The following LHFPL6 variants were observed in gnomAD, a reference collection of about 807,000 sequenced individuals.
LHFPL6 encodes the protein LHFPL tetraspan subfamily member 6.
LHFPL6 carries 9 observed loss-of-function variants against 20.6 expected under a neutral mutation model. The observed-to-expected ratio is 0.44, with a 90% CI of 0.26 to 0.76. The LOEUF (loss-of-function observed/expected upper bound fraction) is 0.76. LHFPL6 is among the 30% of genes least tolerant of loss of function. The pLI, the probability that LHFPL6 is intolerant of heterozygous loss-of-function variation, is 0.20. For synonymous variants in LHFPL6, 105 were observed against 98.7 expected (o/e 1.06, Z -0.38); for missense variants, 218 against 253.5 (o/e 0.86, Z 0.95).
At chr13:39,524,296 T>G (rs1870215728) in intron 2 of LHFPL6, among the ~76,000 whole-genome samples, 1 of 152,058 alleles carries the variant, frequency 6.6e-6, no homozygotes, top group Admixed American at 6.5e-5. Flanking sequence ...TTTGGGGGTT[T>G]TGTTTTTGTT....
At chr13:39,460,065 T>C (rs2138428026) in intron 2 of LHFPL6, among the ~76,000 whole-genome samples, 1 of 102,064 alleles carries the variant, frequency 9.8e-6, no homozygotes, top group South Asian at 3.6e-4. Flanking sequence ...TTACAAAATT[T>C]AATTAATGCC....
intron 2 of LHFPL6, among the ~76,000 whole-genome samples, chr13:39,413,038 T>C (rs942393133): frequency 1.1e-4 from 16 of 152,160 alleles, no homozygotes; most frequent in Admixed American, 1.0e-3. Context: ...TCTGCAGATA[T>C]CACAGTAGAT....
chr13:39,410,117 A>G (rs1871213293), intron 2 of LHFPL6, among the ~76,000 whole-genome samples: 1 of 152,242 alleles, frequency 6.6e-6, no homozygotes, highest in South Asian at 2.1e-4. Context: ...ACCTACCTTC[A>G]TTATACATCA....
At chr13:39,539,314 T>TAAA in intron 2 of LHFPL6, among the ~76,000 whole-genome samples, 2 of 146,310 alleles carry the variant, frequency 1.4e-5, no homozygotes, top group South Asian at 2.2e-4. Flanking sequence ...GATTTTATTT[T>TAAA]AAAAAAAAAA....
At chr13:39,344,709 T>C (rs1869342736) in intron 3 of LHFPL6, among the ~76,000 whole-genome samples, 1 of 152,204 alleles carries the variant, frequency 6.6e-6, no homozygotes. Flanking sequence ...AAACCCAAAA[T>C]ATTAAAAATA....
chr13:39,391,516 CAT>C (rs1238929703), intron 2 of LHFPL6, among the ~76,000 whole-genome samples: 12 of 152,134 alleles, frequency 7.9e-5, no homozygotes, highest in African/African-American at 2.2e-4. Flanking sequence ...AACATACAGA[CAT>C]ATACATACAT....
rs138366737 is a variant in LHFPL6, at chr13:39,522,879, G to A, written c.385+77953C>T. 1.3e-3 allele frequency among the ~76,000 whole-genome samples: 198 copies of A among 152,300 alleles called. 1 individual carries two copies. The highest frequency in any genetic ancestry group is 3.6e-3 in the African/African-American group (149 of 41,560). On this transcript the variant is annotated intron_variant, in intron 2 of 3. Coordinates refer to ENST00000379589, the MANE Select transcript of LHFPL6 (RefSeq NM_005780.3). Reference sequence around the variant, plus strand: ...ATTCGTATGGACAGTGTAGAAATATGAGCAGAATGAGCACATGATTAGATG... The same window carrying A: ...ATTCGTATGGACAGTGTAGAAATATAAGCAGAATGAGCACATGATTAGATG...
chr13:39,463,335 G>C (rs573693654), intron 2 of LHFPL6, among the ~76,000 whole-genome samples: 1 of 152,268 alleles, frequency 6.6e-6, no homozygotes, highest in South Asian at 2.1e-4. Context: ...TGTGAAAACG[G>C]AGGTGGAGAA....
At chr13:39,501,534 A>G (rs1869294275) in intron 2 of LHFPL6, among the ~76,000 whole-genome samples, 1 of 152,108 alleles carries the variant, frequency 6.6e-6, no homozygotes, top group African/African-American at 2.4e-5. Context: ...AATTATTTAC[A>G]ATTTTCCTAC....
intron 2 of LHFPL6, among the ~76,000 whole-genome samples, chr13:39,506,554 T>A (rs367699612): frequency 2.8e-4 from 42 of 152,284 alleles, no homozygotes; most frequent in East Asian, 2.1e-3. Context: ...TTTTATTTTA[T>A]TTCATTTCAT....
rs972338419 is a variant in LHFPL6, at chr13:39,502,750, A to C, written c.385+98082T>G. 5.9e-5 allele frequency among the ~76,000 whole-genome samples: 9 copies of C among 152,340 alleles called. No individual in the cohort carries two copies. The South Asian group carries it at 1.7e-3, about 28-fold the overall frequency. On this transcript the variant is annotated intron_variant, in intron 2 of 3. Coordinates refer to ENST00000379589, the MANE Select transcript of LHFPL6 (RefSeq NM_005780.3). ...AACCAGTATCAAAAGTTAAAAGACC[A>C]TTTGTGGAACTCCCAACATACTAAA... is the stretch of plus-strand genomic sequence containing the variant.
chr13:39,530,795 T>C (rs1870442684), intron 2 of LHFPL6, among the ~76,000 whole-genome samples: 1 of 151,888 alleles, frequency 6.6e-6, no homozygotes. Flanking sequence ...TGACTGAACC[T>C]GGGGAAGCAG....
At chr13:39,439,790 C>T (rs1303911865) in intron 2 of LHFPL6, among the ~76,000 whole-genome samples, 3 of 152,142 alleles carry the variant, frequency 2.0e-5, no homozygotes, top group Non-Finnish European at 4.4e-5. Context: ...ATGTGAAGTG[C>T]CTACCTCACT....
At position 39,586,272 on chromosome 13, in the gene LHFPL6, G is replaced by C. The variant is rs538676427; in HGVS notation, c.385+14560C>G. Among the ~76,000 whole-genome samples, 3 of 152,078 alleles carry C rather than the reference G, an allele frequency of 2.0e-5. No individual in the cohort carries two copies. In the South Asian group the frequency reaches 6.2e-4, roughly 32 times the overall value. On this transcript the variant is annotated intron_variant, in intron 2 of 3. Transcript: ENST00000379589. Reference sequence around the variant, plus strand: ...GCAGTGAAGTTCAGTGACACTGTCAGCTGCTTTAGTTGTCATCAGTATTCC... The same window carrying C: ...GCAGTGAAGTTCAGTGACACTGTCACCTGCTTTAGTTGTCATCAGTATTCC...
At chr13:39,402,270 G>A (rs1439030296) in intron 2 of LHFPL6, among the ~76,000 whole-genome samples, 1 of 151,994 alleles carries the variant, frequency 6.6e-6, no homozygotes, top group Non-Finnish European at 1.5e-5. Context: ...TGTCACCCAG[G>A]CTGGAGTGCA....
chr13:39,553,989 G>A (rs79389915), intron 2 of LHFPL6, among the ~76,000 whole-genome samples: 1,878 of 152,310 alleles, frequency 0.012, 45 homozygotes, highest in East Asian at 0.09. Context: ...TATGGTTGTC[G>A]TTTTAAGCTA....
At chr13:39,423,407 G>A (rs573544802) in intron 2 of LHFPL6, among the ~76,000 whole-genome samples, 2 of 152,106 alleles carry the variant, frequency 1.3e-5, no homozygotes, top group South Asian at 2.1e-4. Context: ...ACTCAGCTTG[G>A]GGAAAGAAAG....
intron 2 of LHFPL6, among the ~76,000 whole-genome samples, chr13:39,466,109 G>A (rs1474841309): frequency 6.6e-6 from 1 of 152,112 alleles, no homozygotes; most frequent in African/African-American, 2.4e-5. Context: ...CAGCCACTTC[G>A]GTCTATTCTT....
intron 2 of LHFPL6, among the ~76,000 whole-genome samples, chr13:39,514,098 G>A (rs1470008000): frequency 6.6e-6 from 1 of 152,100 alleles, no homozygotes; most frequent in South Asian, 2.1e-4. Flanking sequence ...CCCATGTTCT[G>A]GTTTAGTCCC....
Sources: gnomAD v4.1 joint callset for allele counts (sites outside exome capture counted in the v4.1 genomes callset) on GRCh38, gnomAD v4.1.1 for gene constraint, MANE v1.5 for transcripts, NCBI Gene and HGNC (gene_info 2026-07-23, HGNC 2026-07-21) for gene names.